FAM135A: variants seen among roughly 807,000 people sequenced by gnomAD.
FAM135A encodes the protein protein FAM135A.
A neutral mutation model predicts 146.8 loss-of-function variants in FAM135A; 79 were observed. The observed-to-expected ratio is 0.54, with a 90% CI of 0.45 to 0.65. FAM135A has a LOEUF of 0.65. Among genes scored for constraint, FAM135A ranks in the 30% least tolerant of loss-of-function variants. FAM135A has a pLI of 0.00. For missense variants in FAM135A, 1,623 were observed against 1,758.2 expected (o/e 0.92, Z 1.38); for synonymous variants, 562 against 603.6 (o/e 0.93, Z 1.01).
At chr6:70,529,079 C>T (rs1356496291) in intron 16 of FAM135A, among the ~76,000 whole-genome samples, 2 of 151,904 alleles carry the variant, frequency 1.3e-5, no homozygotes, top group African/African-American at 2.4e-5. Context: ...CACCTCCTGG[C>T]AGTTATTTTG....
chr6:70,538,597 A>G (rs887797462), intron 20 of FAM135A, among the ~76,000 whole-genome samples, 196 bp downstream of exon 20: 23 of 152,052 alleles, frequency 1.5e-4, no homozygotes, highest in East Asian at 3.9e-4. Flanking sequence ...TCTTTTTCAC[A>G]TGACTGTATT....
chr6:70,525,656 T>A lies in FAM135A; in HGVS notation c.2572T>A (p.Ser858Thr), dbSNP rs1404716305. The A allele has an allele frequency of 6.2e-7, 1 of 1,612,492 alleles. No homozygotes were observed. Among genetic ancestry groups the A allele is most frequent in the Admixed American group, 1.7e-5 (1 of 59,824 alleles). Residue 858 changes from serine (S) to threonine (T), a missense_variant, in exon 15 of 22, where the codon TCT becomes ACT. Ser to Thr is a moderately conservative substitution (Grantham distance 58). Around this residue, in one of 7 missense-constraint regions of FAM135A, gnomAD observed 1,061 missense variants for 1,113.8 expected, o/e 0.95. Coordinates refer to ENST00000418814, the MANE Select transcript of FAM135A (RefSeq NM_001162529.3). ...ELSPDENSKK[S>T]VVPECHLNDS... ...GTCACCTGATGAAAATTCTAAGAAA[T>A]CTGTTGTACCTGAATGCCATCTAAA...
rs746797589 is a variant in FAM135A at position 70,525,139 on chromosome 6, G to A, written c.2055G>A (p.Glu685=). The change falls in exon 15 of 22, where the codon GAG becomes GAA. Residue 685 remains glutamate (E), a synonymous_variant. Transcript: ENST00000418814. ...GACCTTGGACAGAGCTTCGACAAGA[G>A]GAAATACTTGTGGATAATTTACTAC... is the stretch of plus-strand genomic sequence containing the variant. ...KLGPWTELRQ[E]EILVDNLLPN... 6.4e-7 allele frequency: 1 copy of A among 1,570,806 alleles called. No homozygotes were observed. Among genetic ancestry groups the A allele is most frequent in the Non-Finnish European group, 8.6e-7 (1 of 1,163,090 alleles).
chr6:70,487,827 A>G (rs893584115), intron 10 of FAM135A, among the ~76,000 whole-genome samples: 20 of 152,182 alleles, frequency 1.3e-4, no homozygotes, highest in African/African-American at 4.8e-4. Flanking sequence ...ATTTTACAGA[A>G]TGCAGTTTAA....
At chr6:70,422,082 C>G (rs1158346376) in intron 2 of FAM135A, among the ~76,000 whole-genome samples, 1 of 152,174 alleles carries the variant, frequency 6.6e-6, no homozygotes, top group Non-Finnish European at 1.5e-5. Flanking sequence ...TGAATTTGCT[C>G]TGTTGTTGAA....
At chr6:70,522,184 T>G (rs1793743065) in intron 12 of FAM135A, among the ~76,000 whole-genome samples, 1 of 152,218 alleles carries the variant, frequency 6.6e-6, no homozygotes, top group Admixed American at 6.5e-5. Context: ...CCCAGAGTTC[T>G]GGGATTACAG....
intron 4 of FAM135A, among the ~76,000 whole-genome samples, chr6:70,435,302 G>T (rs970652884): frequency 6.6e-6 from 1 of 151,318 alleles, no homozygotes; most frequent in African/African-American, 2.4e-5. Context: ...GTGGCGTTTT[G>T]CCCTGTTGGC....
chr6:70,522,655 T>G, intron 13 of FAM135A, 69 bp downstream of exon 13: 1 of 1,237,174 alleles, frequency 8.1e-7, no homozygotes, highest in Non-Finnish European at 1.2e-6. Context: ...TCTCAGAATT[T>G]ATCAGTGACA....
intron 10 of FAM135A, among the ~76,000 whole-genome samples, chr6:70,488,485 A>G (rs1178667360): frequency 7.1e-6 from 1 of 140,048 alleles, no homozygotes; most frequent in Non-Finnish European, 1.6e-5. Flanking sequence ...CCAGAAATAT[A>G]TGATAATCAT....
At chr6:70,452,451 A>T in intron 4 of FAM135A, 41 bp from the exon 5 acceptor site, 1 of 1,473,226 alleles carries the variant, frequency 6.8e-7, no homozygotes, top group East Asian at 2.3e-5. Flanking sequence ...GCATATTTTT[A>T]AATATGTTTT....
chr6:70,472,694 AG>A (rs1203431398), intron 5 of FAM135A, among the ~76,000 whole-genome samples: 4 of 152,170 alleles, frequency 2.6e-5, no homozygotes, highest in African/African-American at 9.7e-5. Flanking sequence ...CCTTCATCCT[AG>A]AACAGTTCCT....
At chr6:70,524,257 G>T (rs917411949) in intron 14 of FAM135A, 86 bp from the exon 15 acceptor site, 1 of 1,392,644 alleles carries the variant, frequency 7.2e-7, no homozygotes, top group Non-Finnish European at 9.5e-7. Flanking sequence ...GAGGATATTA[G>T]AAGTTATAGT....
At chr6:70,428,977 T>C (rs573426561) in intron 4 of FAM135A, among the ~76,000 whole-genome samples, 2 of 152,318 alleles carry the variant, frequency 1.3e-5, no homozygotes, top group African/African-American at 4.8e-5. Context: ...ATGTAATAAC[T>C]TCTTGGCGTT....
intron 14 of FAM135A, 103 bp from the exon 15 acceptor site, chr6:70,524,240 T>C: frequency 7.2e-7 from 1 of 1,386,988 alleles, no homozygotes; most frequent in Non-Finnish European, 9.6e-7. Context: ...TAGTTTTATT[T>C]ATGTTTGAGG....
At chr6:70,469,770 A>G (rs1781205102) in intron 5 of FAM135A, among the ~76,000 whole-genome samples, 1 of 152,198 alleles carries the variant, frequency 6.6e-6, no homozygotes, top group Non-Finnish European at 1.5e-5. Flanking sequence ...ATGAGGTAGG[A>G]GTAGAACTAG....
At chr6:70,436,508 C>G (rs1417003254) in intron 4 of FAM135A, among the ~76,000 whole-genome samples, 2 of 151,894 alleles carry the variant, frequency 1.3e-5, no homozygotes, top group African/African-American at 4.8e-5. Context: ...TATAGGGGTA[C>G]ATTTAGTCTG....
chr6:70,470,316 A>T (rs1781356042), intron 5 of FAM135A, among the ~76,000 whole-genome samples: 1 of 152,168 alleles, frequency 6.6e-6, no homozygotes, highest in Non-Finnish European at 1.5e-5. Context: ...TCATTAGGTT[A>T]TAGTCATTTA....
At chr6:70,539,156 G>A (rs1797373453) in intron 20 of FAM135A, among the ~76,000 whole-genome samples, 1 of 151,916 alleles carries the variant, frequency 6.6e-6, no homozygotes, top group Non-Finnish European at 1.5e-5. Flanking sequence ...TCATTTGAGG[G>A]GAACAGACTG....
intron 5 of FAM135A, among the ~76,000 whole-genome samples, chr6:70,453,856 A>G (rs981230427): frequency 2.0e-5 from 3 of 152,152 alleles, no homozygotes; most frequent in African/African-American, 7.2e-5. Flanking sequence ...GCTATTGTGA[A>G]TAGTGCCGCA....
Sources: allele counts gnomAD v4.1 joint callset (sites outside exome capture counted in the v4.1 genomes callset), GRCh38; gene constraint gnomAD v4.1.1; regional missense constraint gnomAD v4.1.1; transcripts MANE v1.5; gene names NCBI Gene and HGNC (gene_info 2026-07-23, HGNC 2026-07-21).